Variants in SGPP2 observed in about 807,000 individuals in gnomAD.
SGPP2 encodes sphingosine-1-phosphate phosphatase 2, also known as sphingosine 1-phosphate phosphohydrolase 2.
SGPP2 carries 30 observed loss-of-function variants against 33.9 expected under a neutral mutation model. The observed-to-expected ratio is 0.89, with a 90% CI of 0.66 to 1.20. SGPP2 has a LOEUF of 1.20. Ranked by LOEUF, SGPP2 falls within the 50% of genes most tolerant of loss-of-function variation. SGPP2 has a pLI of 0.00. For synonymous variants in SGPP2, 233 were observed against 225.0 expected (o/e 1.04, Z -0.32); for missense variants, 458 against 532.1 (o/e 0.86, Z 1.37).
chr2:222,515,952 G>T (rs1698598406), intron 2 of SGPP2, among the ~76,000 whole-genome samples: 1 of 152,166 alleles, frequency 6.6e-6, no homozygotes, highest in Non-Finnish European at 1.5e-5. Context: ...GGAGGCTGAG[G>T]CATAAGAATT....
chr2:222,452,404 A>G, intron 1 of SGPP2: 1 of 753,522 alleles, frequency 1.3e-6, no homozygotes, highest in South Asian at 1.3e-5. Flanking sequence ...TCTCCTTCAC[A>G]GATCTTCAAG....
Position 222,532,978 on chromosome 2 carries a change from G to A in SGPP2, c.648+7945G>A, listed in dbSNP as rs141388571. Among the ~76,000 whole-genome samples, 74 of 152,174 alleles carry A rather than the reference G, an allele frequency of 4.9e-4. 3 individuals carry two copies. The East Asian group carries it at 0.012, about 24-fold the overall frequency. ...AGGTAAAACAGAGTTCCTTATTGCT[G>A]AAGCCAGTTTTTACTGAGGTCTTAC... On this transcript the variant is annotated intron_variant, in intron 4 of 4. Transcript: ENST00000321276.
At chr2:222,526,251 C>T (rs1276048541) in intron 4 of SGPP2, among the ~76,000 whole-genome samples, 1 of 152,228 alleles carries the variant, frequency 6.6e-6, no homozygotes, top group African/African-American at 2.4e-5. Flanking sequence ...AGATTTGACC[C>T]TGTATTTGCA....
At chr2:222,502,298 G>A (rs866527306) in intron 2 of SGPP2, among the ~76,000 whole-genome samples, 1 of 152,130 alleles carries the variant, frequency 6.6e-6, no homozygotes, top group South Asian at 2.1e-4. Flanking sequence ...GTGACTTTCT[G>A]GAGTAATTTG....
At chr2:222,557,815 G>A (rs1689441030) in intron 4 of SGPP2, among the ~76,000 whole-genome samples, 1 of 152,196 alleles carries the variant, frequency 6.6e-6, no homozygotes, top group South Asian at 2.1e-4. Context: ...CAAGGCTGAC[G>A]CAGAAGAACT....
chr2:222,499,467 A>G (rs898488863), intron 2 of SGPP2, among the ~76,000 whole-genome samples: 40 of 152,146 alleles, frequency 2.6e-4, no homozygotes, highest in African/African-American at 9.2e-4. Flanking sequence ...CTCCCCTCCT[A>G]CTCAAAGACT....
intron 4 of SGPP2, among the ~76,000 whole-genome samples, chr2:222,534,047 A>G (rs991456514): frequency 1.3e-5 from 2 of 152,198 alleles, no homozygotes; most frequent in Non-Finnish European, 2.9e-5. Context: ...TCCTGGCATC[A>G]GAAGCAGGGC....
At chr2:222,545,283 CTTTT>C (rs544252205) in intron 4 of SGPP2, among the ~76,000 whole-genome samples, 1 of 135,978 alleles carries the variant, frequency 7.4e-6, no homozygotes. Context: ...GAGCTTATGG[CTTTT>C]TTTTTTTTTT....
chr2:222,513,655 C>A (rs2106127242), intron 2 of SGPP2, among the ~76,000 whole-genome samples: 1 of 151,800 alleles, frequency 6.6e-6, no homozygotes, highest in African/African-American at 2.4e-5. Flanking sequence ...AATCCAATGA[C>A]AAGTTCCATT....
chr2:222,553,013 A>G (rs1689323857), intron 4 of SGPP2, among the ~76,000 whole-genome samples: 1 of 152,240 alleles, frequency 6.6e-6, no homozygotes, highest in Admixed American at 6.5e-5. Flanking sequence ...GTTAGGCACT[A>G]GGCTAGGAGC....
At chr2:222,554,481 A>G (rs1244701537) in intron 4 of SGPP2, among the ~76,000 whole-genome samples, 1 of 152,210 alleles carries the variant, frequency 6.6e-6, no homozygotes, top group African/African-American at 2.4e-5. Context: ...GAGCAGTTAT[A>G]TCTCTAAGGT....
At chr2:222,455,757 A>C (rs750149689) in intron 1 of SGPP2, among the ~76,000 whole-genome samples, 7 of 152,116 alleles carry the variant, frequency 4.6e-5, no homozygotes, top group South Asian at 4.1e-4. Context: ...AATGAAGTTT[A>C]CTCTTCTAAA....
intron 1 of SGPP2, among the ~76,000 whole-genome samples, chr2:222,436,743 A>G (rs1697247468): frequency 6.6e-6 from 1 of 152,214 alleles, no homozygotes; most frequent in Non-Finnish European, 1.5e-5. Context: ...TATCCAGAGT[A>G]GGTGTCTATT....
At chr2:222,518,483 T>C (rs1559167637) in intron 2 of SGPP2, among the ~76,000 whole-genome samples, 1 of 152,328 alleles carries the variant, frequency 6.6e-6, no homozygotes, top group East Asian at 1.9e-4. Context: ...GCATTAGTAG[T>C]TATGCCTGTG....
intron 2 of SGPP2, among the ~76,000 whole-genome samples, chr2:222,492,596 TG>T (rs1698215114): frequency 6.6e-6 from 1 of 152,232 alleles, no homozygotes; most frequent in South Asian, 2.1e-4. Context: ...CTGTGATGGG[TG>T]GCCCAGATCT....
intron 2 of SGPP2, among the ~76,000 whole-genome samples, chr2:222,515,526 A>C (rs1698591770): frequency 6.6e-6 from 1 of 151,662 alleles, no homozygotes; most frequent in South Asian, 2.1e-4. Context: ...ACGGGGTTTC[A>C]CCATATTGGT....
intron 4 of SGPP2, among the ~76,000 whole-genome samples, chr2:222,552,853 T>C (rs564240749): frequency 6.6e-6 from 1 of 152,046 alleles, no homozygotes; most frequent in South Asian, 2.1e-4. Context: ...AGAGCGAAAC[T>C]CCATCTCAAA....
intron 2 of SGPP2, among the ~76,000 whole-genome samples, chr2:222,475,281 C>T (rs1371354835): frequency 6.6e-6 from 1 of 152,114 alleles, no homozygotes; most frequent in Non-Finnish European, 1.5e-5. Flanking sequence ...GTTGACCAGG[C>T]TTATCTCTTA....
chr2:222,464,811 A>G (rs1697721311), intron 1 of SGPP2, among the ~76,000 whole-genome samples: 1 of 152,146 alleles, frequency 6.6e-6, no homozygotes, highest in Non-Finnish European at 1.5e-5. Context: ...TGATGATGAG[A>G]CAGTGTTTTT....
Sources: allele counts gnomAD v4.1 joint callset (sites outside exome capture counted in the v4.1 genomes callset), GRCh38; gene constraint gnomAD v4.1.1; transcripts MANE v1.5; gene names NCBI Gene and HGNC (gene_info 2026-07-23, HGNC 2026-07-21).